Variants in SPAG16 observed in about 807,000 individuals in gnomAD.
SPAG16 encodes the protein sperm associated antigen 16.
In SPAG16, 86 loss-of-function variants were observed where a neutral mutation model predicts 80.4. The ratio of observed to expected loss-of-function variants is 1.07; its 90% CI spans 0.90 to 1.28. SPAG16 has a LOEUF of 1.28. SPAG16 is among the 50% of genes most tolerant of loss of function. The pLI, the probability that SPAG16 is intolerant of heterozygous loss-of-function variation, is 0.00. For synonymous variants in SPAG16, 294 were observed against 265.9 expected (o/e 1.11, Z -1.03); for missense variants, 870 against 765.3 (o/e 1.14, Z -1.61).
At chr2:213,856,586 C>T (rs1289286640) in intron 10 of SPAG16, among the ~76,000 whole-genome samples, 2 of 152,204 alleles carry the variant, frequency 1.3e-5, no homozygotes, top group African/African-American at 4.8e-5. Flanking sequence ...TATACATCTT[C>T]GGAAACCTTG....
chr2:214,107,006 T>C (rs2125400273), intron 13 of SPAG16, among the ~76,000 whole-genome samples: 1 of 152,250 alleles, frequency 6.6e-6, no homozygotes. Flanking sequence ...CTAACTCCCT[T>C]ACTATACTTT....
At chr2:214,207,678 T>C (rs1313065088) in intron 15 of SPAG16, among the ~76,000 whole-genome samples, 1 of 152,234 alleles carries the variant, frequency 6.6e-6, no homozygotes, top group African/African-American at 2.4e-5. Context: ...TCTGGGTGTG[T>C]CTGTGAGGGT....
intron 10 of SPAG16, among the ~76,000 whole-genome samples, chr2:213,628,488 C>T (rs2062034939): frequency 6.6e-6 from 1 of 152,150 alleles, no homozygotes; most frequent in African/African-American, 2.4e-5. Flanking sequence ...ACAGTTTCAA[C>T]CAAAGAACAG....
At chr2:214,197,866 A>G (rs1295049960) in intron 15 of SPAG16, among the ~76,000 whole-genome samples, 8 of 151,734 alleles carry the variant, frequency 5.3e-5, no homozygotes, top group Non-Finnish European at 1.2e-4. Context: ...TAAAATATAT[A>G]TATATTATGA....
intron 12 of SPAG16, among the ~76,000 whole-genome samples, chr2:213,992,408 G>T (rs2046328423): frequency 6.6e-6 from 1 of 151,954 alleles, no homozygotes; most frequent in South Asian, 2.1e-4. Flanking sequence ...TATGTCTCTT[G>T]GTGTAGTTGG....
At chr2:214,387,891 T>C (rs1335188503) in intron 15 of SPAG16, among the ~76,000 whole-genome samples, 2 of 152,134 alleles carry the variant, frequency 1.3e-5, no homozygotes, top group Non-Finnish European at 2.9e-5. Context: ...ACGTGTGGAT[T>C]ATGAGAACTA....
chr2:213,487,280 C>T (rs1457116848), intron 9 of SPAG16, among the ~76,000 whole-genome samples: 3 of 151,954 alleles, frequency 2.0e-5, no homozygotes, highest in Non-Finnish European at 4.4e-5. Context: ...GAGTTAAGAC[C>T]AGTGAACTAT....
intron 10 of SPAG16, among the ~76,000 whole-genome samples, chr2:213,828,817 G>A (rs566086900): frequency 3.3e-5 from 5 of 152,178 alleles, no homozygotes; most frequent in African/African-American, 9.6e-5. Flanking sequence ...TCTTGGATAA[G>A]ATTCAAAAGA....
intron 9 of SPAG16, among the ~76,000 whole-genome samples, chr2:213,444,593 A>G (rs1195124022): frequency 1.3e-5 from 2 of 152,210 alleles, no homozygotes; most frequent in African/African-American, 2.4e-5. Context: ...GGGCATTTTA[A>G]CAATGTTGAT....
intron 15 of SPAG16, among the ~76,000 whole-genome samples, chr2:214,191,705 C>A (rs2057668177): frequency 9.0e-6 from 1 of 111,240 alleles, no homozygotes; most frequent in African/African-American, 3.6e-5. Flanking sequence ...CAGAGTGAGA[C>A]TCTGTCTCAA....
At chr2:213,327,657 A>C (rs1487277163) in intron 5 of SPAG16, among the ~76,000 whole-genome samples, 2 of 152,150 alleles carry the variant, frequency 1.3e-5, no homozygotes, top group Admixed American at 6.6e-5. Flanking sequence ...TGAAATTAAG[A>C]CAATTTAGTA....
At chr2:214,134,481 A>C (rs531795691) in intron 14 of SPAG16, among the ~76,000 whole-genome samples, 1 of 152,306 alleles carries the variant, frequency 6.6e-6, no homozygotes, top group Non-Finnish European at 1.5e-5. Context: ...TGATTTATTT[A>C]ATTTATTGTA....
rs79587720 is a variant in SPAG16 at position 213,621,027 on chromosome 2, T to G, written c.1070+130937T>G. Among the ~76,000 whole-genome samples the G allele has an allele frequency of 7.8e-3, 1,186 of 152,134 alleles. 17 individuals are homozygous for G. The highest frequency in any genetic ancestry group is 0.027 in the African/African-American group (1,140 of 41,520). ...TGTACTAAAAACTAGTTTTAGTACT[T>G]ACCTTTAATTTTCTAGTACTAAAAC... On this transcript the variant is annotated intron_variant, in intron 10 of 15. Transcript: ENST00000331683.
Position 213,296,097 on chromosome 2 carries a change from A to C in SPAG16, c.170A>C (p.Tyr57Ser). The part of the protein sequence containing the change: ...VTITEASEDD[Y>S]EYEEIPDDNF... Reference sequence around the variant, plus strand: ...ATAACTGAAGCATCTGAAGATGACTATGAATATGAAGAGGTAACATGTTAA... The same window carrying C: ...ATAACTGAAGCATCTGAAGATGACTCTGAATATGAAGAGGTAACATGTTAA... The change falls in exon 2 of 16, where the codon TAT (tyrosine) becomes TCT (serine). Residue 57 changes from tyrosine (Y) to serine (S), a missense_variant. By Grantham distance (144) the Tyr-to-Ser change is moderately radical. Transcript: ENST00000331683. 6.2e-7 allele frequency: 1 copy of C among 1,607,322 alleles called. No homozygotes were observed. The highest frequency in any genetic ancestry group is 8.5e-7 in the Non-Finnish European group (1 of 1,174,656).
At chr2:214,311,174 G>A (rs188307365) in intron 15 of SPAG16, among the ~76,000 whole-genome samples, 4 of 152,226 alleles carry the variant, frequency 2.6e-5, no homozygotes, top group Admixed American at 6.5e-5. Flanking sequence ...TCCGAGGAGC[G>A]CTTTGGCAGT....
At chr2:213,983,969 G>T (rs1029654335) in intron 12 of SPAG16, among the ~76,000 whole-genome samples, 1 of 151,984 alleles carries the variant, frequency 6.6e-6, no homozygotes, top group Non-Finnish European at 1.5e-5. Flanking sequence ...GAAAATAGAA[G>T]AGATAATGAG....
chr2:213,691,097 A>G (rs1162858624), intron 10 of SPAG16, among the ~76,000 whole-genome samples: 1 of 152,124 alleles, frequency 6.6e-6, no homozygotes, highest in African/African-American at 2.4e-5. Flanking sequence ...TCACACTGGC[A>G]ACATCTGAAT....
In SPAG16 at chr2:214,374,508, G is replaced by A. The variant is rs138261117; in HGVS notation, c.1721-35632G>A. Among the ~76,000 whole-genome samples, 335 of 152,248 alleles carry A rather than the reference G, an allele frequency of 2.2e-3. 1 individual carries two copies. Among genetic ancestry groups the A allele is most frequent in the African/African-American group, 6.9e-3 (287 of 41,552 alleles). On this transcript the variant is annotated intron_variant, in intron 15 of 15. Coordinates refer to ENST00000331683, the MANE Select transcript of SPAG16 (RefSeq NM_024532.5). ...TTACCAGCTGATACCTCTAGCTCTT[G>A]TTGCCTTACAAACTTGTTTTTCTAA...
intron 9 of SPAG16, among the ~76,000 whole-genome samples, chr2:213,379,023 A>G (rs930387210): frequency 1.3e-5 from 2 of 152,206 alleles, no homozygotes; most frequent in Non-Finnish European, 2.9e-5. Flanking sequence ...TGTTGACTTA[A>G]AGGTAGGAGG....
Sources: gnomAD v4.1 joint callset for allele counts (sites outside exome capture counted in the v4.1 genomes callset) on GRCh38, gnomAD v4.1.1 for gene constraint, MANE v1.5 for transcripts, NCBI Gene and HGNC (gene_info 2026-07-23, HGNC 2026-07-21) for gene names.